Variants in SMIM36 observed in about 807,000 individuals in gnomAD.
The protein encoded by SMIM36 is small integral membrane protein 36.
intron 4 of SMIM36, among the ~76,000 whole-genome samples, chr17:55,466,052 C>T (rs757941560): frequency 1.6e-4 from 25 of 151,786 alleles, no homozygotes; most frequent in Non-Finnish European, 2.9e-4. Context: ...CCGAGGTGGG[C>T]GGATCACCTG....
the SMIM36 span, among the ~76,000 whole-genome samples, chr17:55,517,220 G>A: frequency 1.3e-5 from 2 of 152,286 alleles, no homozygotes; most frequent in South Asian, 4.1e-4. Flanking sequence ...AAATAATGGA[G>A]AGTTTCTAAG....
chr17:55,501,987 C>T (rs4641808), intron 1 of SMIM36, among the ~76,000 whole-genome samples: 40,244 of 143,886 alleles, frequency 0.28, 3,049 homozygotes, highest in Non-Finnish European at 0.36. Flanking sequence ...AATCGGGTCA[C>T]TCCCACCCGA....
the SMIM36 span, among the ~76,000 whole-genome samples, chr17:55,520,227 T>G: frequency 6.6e-6 from 1 of 152,214 alleles, no homozygotes; most frequent in Admixed American, 6.5e-5. Flanking sequence ...TAAGGATACA[T>G]GTGATGGCAT....
chr17:55,508,854 C>T (rs556202681), intron 1 of SMIM36, among the ~76,000 whole-genome samples: 21 of 139,250 alleles, frequency 1.5e-4, no homozygotes, highest in African/African-American at 4.9e-4. Context: ...ACCCGGGAGG[C>T]GGAGGTTGCA....
chr17:55,470,369 G>A (rs1450822064), intron 3 of SMIM36, among the ~76,000 whole-genome samples: 2 of 152,166 alleles, frequency 1.3e-5, no homozygotes, highest in Admixed American at 6.5e-5. Flanking sequence ...CGAGCTTTGG[G>A]TAACTCTTAC....
At chr17:55,515,375 A>G (rs946795711), upstream of SMIM36, among the ~76,000 whole-genome samples, 7 of 152,064 alleles carry the variant, frequency 4.6e-5, no homozygotes, top group African/African-American at 7.2e-5. Context: ...ATACTGCCAT[A>G]TTTTGTCGCA....
chr17:55,491,622 T>G (rs1268334577), intron 1 of SMIM36, among the ~76,000 whole-genome samples: 2 of 152,218 alleles, frequency 1.3e-5, no homozygotes, highest in Non-Finnish European at 2.9e-5. Context: ...CATACATTGC[T>G]GGTTGGGCCT....
At chr17:55,451,192 G>A (rs1908910253) in intron 4 of SMIM36, among the ~76,000 whole-genome samples, 2 of 152,022 alleles carry the variant, frequency 1.3e-5, no homozygotes, top group South Asian at 2.1e-4. Context: ...GCCCCTAATG[G>A]CTTCTTATCA....
Position 55,482,524 on chromosome 17 carries a change from C to T in SMIM36, c.*175-2944G>A, listed in dbSNP as rs1763694490. ...TTTTCCTTTTTAATTATGGTTTCTT[C>T]CTCTTAATAGCCTATAGTTTGCTTG... is the stretch of plus-strand genomic sequence containing the variant. On this transcript the variant is annotated intron_variant, in intron 1 of 4. Coordinates refer to ENST00000636752, the Ensembl canonical transcript of SMIM36. 3.3e-5 allele frequency among the ~76,000 whole-genome samples: 5 copies of T among 152,156 alleles called. No individual in the cohort carries two copies. The South Asian group carries it at 1.0e-3, about 32-fold the overall frequency.
At chr17:55,499,293 ATGGGGTTGG>A (rs1909867963) in intron 1 of SMIM36, among the ~76,000 whole-genome samples, 1 of 152,116 alleles carries the variant, frequency 6.6e-6, no homozygotes, top group African/African-American at 2.4e-5. Flanking sequence ...GAGGAGAGAG[ATGGGGTTGG>A]TGGAACAACC....
chr17:55,497,301 G>A (rs780055527), intron 1 of SMIM36, among the ~76,000 whole-genome samples: 6 of 152,006 alleles, frequency 3.9e-5, no homozygotes, highest in Non-Finnish European at 8.8e-5. Flanking sequence ...TCTCGCTCTT[G>A]TTGCCCAGGC....
intron 1 of SMIM36, among the ~76,000 whole-genome samples, chr17:55,501,789 G>T (rs967032395): frequency 6.6e-6 from 1 of 151,330 alleles, no homozygotes; most frequent in Non-Finnish European, 1.5e-5. Flanking sequence ...GCAGAAGACC[G>T]GTGATTTCTG....
At chr17:55,514,242 C>T (rs1910229411), upstream of SMIM36, among the ~76,000 whole-genome samples, 1 of 152,074 alleles carries the variant, frequency 6.6e-6, no homozygotes, top group African/African-American at 2.4e-5. Flanking sequence ...AAAAACTTGG[C>T]AATAGGCAAA....
chr17:55,501,403 AT>A (rs1374590388), intron 1 of SMIM36, among the ~76,000 whole-genome samples: 14 of 18,162 alleles, frequency 7.7e-4, no homozygotes, highest in East Asian at 7.6e-3. Flanking sequence ...ATTATATATT[AT>A]TATATATTAT....
At chr17:55,469,995 A>G (rs1909314549) in intron 3 of SMIM36, among the ~76,000 whole-genome samples, 1 of 152,084 alleles carries the variant, frequency 6.6e-6, no homozygotes, top group Non-Finnish European at 1.5e-5. Context: ...AAAAAAACAA[A>G]AAAAAACCAC....
At chr17:55,484,168 C>CT (rs140478715) in intron 1 of SMIM36, among the ~76,000 whole-genome samples, 12,175 of 151,440 alleles carry the variant, frequency 0.08, 534 homozygotes, top group South Asian at 0.15. Flanking sequence ...ACAAAAAAAA[C>CT]TCAAAAAAAT....
chr17:55,501,353 T>A lies in SMIM36; in HGVS notation c.*174+9526A>T, dbSNP rs189254889. Among the ~76,000 whole-genome samples the A allele has an allele frequency of 6.3e-4, 40 of 63,466 alleles. No homozygotes were observed. In the East Asian group the frequency reaches 7.7e-3, roughly 12 times the overall value. 41.6% of individuals were successfully genotyped at this position (63,466 alleles called of 152,430 possible). A position where few individuals can be genotyped will look rare whatever the true frequency, so the allele number is the denominator to read the frequency against. ...TATATAATATATTATATATTATATT[T>A]TATAATATATAATATATTATATATT... On this transcript the variant is annotated intron_variant, in intron 1 of 4. Transcript: ENST00000636752.
At chr17:55,513,175 A>C (rs1910211040), upstream of SMIM36, among the ~76,000 whole-genome samples, 1 of 152,218 alleles carries the variant, frequency 6.6e-6, no homozygotes, top group African/African-American at 2.4e-5. Flanking sequence ...TTGGGACTAG[A>C]GTCTGGGGAT....
At chr17:55,452,796 TTG>T (rs1242887455) in intron 4 of SMIM36, among the ~76,000 whole-genome samples, 1 of 152,210 alleles carries the variant, frequency 6.6e-6, no homozygotes, top group Admixed American at 6.5e-5. Context: ...CCTCTGTAAA[TTG>T]TGTCTTTCCT....
Sources: gnomAD v4.1 joint callset for allele counts (sites outside exome capture counted in the v4.1 genomes callset) on GRCh38, gnomAD v4.1.1 for gene constraint, MANE v1.5 for transcripts, NCBI Gene and HGNC (gene_info 2026-07-23, HGNC 2026-07-21) for gene names.